The following KLF12 variants were observed in gnomAD, a reference collection of about 807,000 sequenced individuals.
KLF12 encodes Krueppel-like factor 12.
In KLF12, 9 loss-of-function variants were observed where a neutral mutation model predicts 37.8. The ratio of observed to expected loss-of-function variants is 0.24; its 90% CI spans 0.14 to 0.42. The LOEUF (loss-of-function observed/expected upper bound fraction) is 0.42, where lower values mean the gene tolerates loss of function less well. KLF12 is among the 10% of genes least tolerant of loss of function. The pLI is 1.00. For synonymous variants in KLF12, 208 were observed against 202.1 expected, an observed-to-expected ratio of 1.03 and a Z score of -0.25; for missense variants, 411 against 516.0, an observed-to-expected ratio of 0.80 and a Z score of 1.97.
chr13:73,890,093 C>T (rs1887430052), intron 3 of KLF12, among the ~76,000 whole-genome samples: 1 of 151,986 alleles, frequency 6.6e-6, no homozygotes, highest in African/African-American at 2.4e-5. Context: ...TTTAAACATG[C>T]CCATAGTAGG....
intron 3 of KLF12, among the ~76,000 whole-genome samples, chr13:73,916,246 C>CACACACACACACACACAT (rs1491519733): frequency 9.1e-5 from 3 of 32,990 alleles, no homozygotes; most frequent in African/African-American, 2.6e-4. Flanking sequence ...CACACGCACA[C>CACACACACACACACACAT]GCACACACAC....
the KLF12 span, among the ~76,000 whole-genome samples, chr13:74,275,628 A>G: frequency 6.6e-6 from 1 of 151,840 alleles, no homozygotes; most frequent in Non-Finnish European, 1.5e-5. Context: ...ATGTAGTTGG[A>G]CAGATTCCTT....
the KLF12 span, among the ~76,000 whole-genome samples, chr13:74,236,242 A>G: frequency 0.13 from 15,488 of 118,004 alleles, 1,033 homozygotes; most frequent in South Asian, 0.21. Flanking sequence ...ATGATTTCCA[A>G]TTTCATCCAT....
At chr13:73,709,650 T>A (rs920858085) in intron 7 of KLF12, among the ~76,000 whole-genome samples, 1 of 152,206 alleles carries the variant, frequency 6.6e-6, no homozygotes, top group Non-Finnish European at 1.5e-5. Context: ...CTGATAATAG[T>A]TCAAGGAAGC....
At chr13:73,871,901 A>T (rs1290463637) in intron 3 of KLF12, among the ~76,000 whole-genome samples, 2 of 152,214 alleles carry the variant, frequency 1.3e-5, no homozygotes, top group Non-Finnish European at 2.9e-5. Context: ...TTCGAATGAC[A>T]TTCAATAAAT....
chr13:74,269,294 C>T, the KLF12 span, among the ~76,000 whole-genome samples: 1 of 152,170 alleles, frequency 6.6e-6, no homozygotes, highest in Non-Finnish European at 1.5e-5. Flanking sequence ...GTCTCTCTCT[C>T]TCTTTGTATA....
intron 1 of KLF12, among the ~76,000 whole-genome samples, chr13:74,048,434 T>TTC (rs1555335735): frequency 7.2e-5 from 11 of 152,202 alleles, no homozygotes; most frequent in South Asian, 4.2e-4. Context: ...GTTTTTTTTT[T>TTC]CCCAAAATGA....
intron 4 of KLF12, among the ~76,000 whole-genome samples, chr13:73,835,637 G>A (rs1027632010): frequency 8.5e-5 from 13 of 152,078 alleles, no homozygotes; most frequent in Non-Finnish European, 1.8e-4. Context: ...ATGCAGTGGG[G>A]TCTCTCTGAA....
At chr13:73,712,475 T>C (rs1449404810) in intron 7 of KLF12, among the ~76,000 whole-genome samples, 3 of 151,940 alleles carry the variant, frequency 2.0e-5, no homozygotes, top group African/African-American at 7.3e-5. Context: ...TGAAATGGAA[T>C]GTATTCCCAG....
At chr13:74,155,108 TAC>T in the KLF12 span, among the ~76,000 whole-genome samples, 1 of 152,330 alleles carries the variant, frequency 6.6e-6, no homozygotes, top group African/African-American at 2.4e-5. Context: ...ACTTTCTGCG[TAC>T]AGTTCTCTCA....
chr13:73,962,103 CTG>C, intron 2 of KLF12: 5 of 437,378 alleles, frequency 1.1e-5, no homozygotes, highest in Non-Finnish European at 2.3e-5. Context: ...AATGGATAAA[CTG>C]TGGTACATCC....
chr13:74,047,726 G>C (rs1193824787), intron 1 of KLF12, among the ~76,000 whole-genome samples: 1 of 152,168 alleles, frequency 6.6e-6, no homozygotes, highest in African/African-American at 2.4e-5. Flanking sequence ...GAAGTGAATA[G>C]AGAGAGTACT....
intron 5 of KLF12, among the ~76,000 whole-genome samples, chr13:73,767,343 C>A (rs1432017924): frequency 6.6e-6 from 1 of 152,216 alleles, no homozygotes; most frequent in Non-Finnish European, 1.5e-5. Context: ...GATTCTTGCA[C>A]CTGCATCTAG....
intron 1 of KLF12, among the ~76,000 whole-genome samples, chr13:74,132,946 C>T (rs1476583489): frequency 1.3e-5 from 2 of 152,202 alleles, no homozygotes; most frequent in Non-Finnish European, 2.9e-5. Flanking sequence ...CAAGTCTGAA[C>T]CCTCAGAGTG....
At chr13:73,936,185 T>C (rs896190643) in intron 3 of KLF12, among the ~76,000 whole-genome samples, 1 of 152,212 alleles carries the variant, frequency 6.6e-6, no homozygotes, top group Non-Finnish European at 1.5e-5. Context: ...ATGCCAGACA[T>C]TGTGATTTTT....
the KLF12 span, among the ~76,000 whole-genome samples, chr13:74,247,356 GA>G: frequency 6.6e-6 from 1 of 152,032 alleles, no homozygotes; most frequent in Non-Finnish European, 1.5e-5. Flanking sequence ...ATAACTCTTT[GA>G]AAAAAATACC....
chr13:73,987,512 A>G (rs1891854241), intron 2 of KLF12, among the ~76,000 whole-genome samples: 1 of 151,972 alleles, frequency 6.6e-6, no homozygotes, highest in Non-Finnish European at 1.5e-5. Flanking sequence ...AGGTACTCTA[A>G]ATAGCTTAGC....
chr13:74,014,583 T>C (rs1010261109), intron 1 of KLF12, among the ~76,000 whole-genome samples: 2 of 152,230 alleles, frequency 1.3e-5, no homozygotes. Flanking sequence ...AAAATTTATA[T>C]ACTGAAAAGA....
At chr13:73,715,652 T>C in intron 6 of KLF12, 127 bp from the exon 7 acceptor site, 1 of 910,534 alleles carries the variant, frequency 1.1e-6, no homozygotes, top group South Asian at 1.8e-5. Context: ...CCACAGTTCT[T>C]GCTACCACTA....
Sources: gnomAD v4.1 joint callset for allele counts (sites outside exome capture counted in the v4.1 genomes callset) on GRCh38, gnomAD v4.1.1 for gene constraint, MANE v1.5 for transcripts, NCBI Gene and HGNC (gene_info 2026-07-23, HGNC 2026-07-21) for gene names.